The following PCNX2 variants were observed in gnomAD, a reference collection of about 807,000 sequenced individuals.
PCNX2 encodes pecanex 2.
Under a neutral mutation model 223.8 loss-of-function variants are expected in PCNX2, and 168 were observed. That is an observed-to-expected ratio of 0.75 (90% CI 0.66 to 0.85). The LOEUF is 0.85. Among genes scored for constraint, PCNX2 ranks in the 40% least tolerant of loss-of-function variants. PCNX2 has a pLI of 0.00. For synonymous variants in PCNX2, 1,006 were observed against 1,052.6 expected, an observed-to-expected ratio of 0.96 and a Z score of 0.86; for missense variants, 2,507 against 2,675.5, an observed-to-expected ratio of 0.94 and a Z score of 1.39.
intron 21 of PCNX2, among the ~76,000 whole-genome samples, chr1:233,109,533 T>A (rs1005441395): frequency 6.6e-6 from 1 of 152,166 alleles, no homozygotes; most frequent in Admixed American, 6.5e-5. Flanking sequence ...GTCACAGATA[T>A]AGAAGGCTTT....
chr1:233,151,762 C>T (rs543525887), intron 19 of PCNX2, among the ~76,000 whole-genome samples: 2 of 152,322 alleles, frequency 1.3e-5, no homozygotes, highest in African/African-American at 2.4e-5. Flanking sequence ...GCAACCTCCA[C>T]CTCCTGGGTT....
chr1:233,034,390 C>T (rs1210663323), intron 25 of PCNX2, among the ~76,000 whole-genome samples: 1 of 152,124 alleles, frequency 6.6e-6, no homozygotes, highest in African/African-American at 2.4e-5. Context: ...AGGAAATGGG[C>T]CCTCACCAGA....
chr1:233,283,265 TTCAA>T (rs1442644842), intron 1 of PCNX2, among the ~76,000 whole-genome samples: 2 of 152,208 alleles, frequency 1.3e-5, no homozygotes, highest in Non-Finnish European at 2.9e-5. Flanking sequence ...TAATTGATTA[TTCAA>T]TCATTCAATC....
chr1:233,114,945 C>T (rs991749408), intron 21 of PCNX2, among the ~76,000 whole-genome samples: 5 of 152,108 alleles, frequency 3.3e-5, no homozygotes, highest in African/African-American at 7.2e-5. Context: ...CATCCCCTCA[C>T]GGCTCTGGTA....
chr1:233,005,141 G>C (rs1030327060), intron 28 of PCNX2, among the ~76,000 whole-genome samples: 7 of 152,218 alleles, frequency 4.6e-5, no homozygotes, highest in Non-Finnish European at 1.0e-4. Context: ...TAAAATGAGA[G>C]AGCTAACTCC....
At chr1:233,165,062 G>A in intron 17 of PCNX2, among the ~76,000 whole-genome samples, 1 of 152,034 alleles carries the variant, frequency 6.6e-6, no homozygotes, top group Non-Finnish European at 1.5e-5. Flanking sequence ...AATAAGTGAG[G>A]TGATATTTTA....
At chr1:233,256,450 G>A (rs1558396812) in intron 5 of PCNX2, among the ~76,000 whole-genome samples, 1 of 152,156 alleles carries the variant, frequency 6.6e-6, no homozygotes, top group East Asian at 1.9e-4. Context: ...TGATTCCAAA[G>A]TCAGTGCTCT....
chr1:233,152,255 T>C (rs1677861940), intron 19 of PCNX2, among the ~76,000 whole-genome samples: 1 of 152,232 alleles, frequency 6.6e-6, no homozygotes, highest in South Asian at 2.1e-4. Context: ...TATTTGGCAT[T>C]TGAAATGCAC....
intron 15 of PCNX2, among the ~76,000 whole-genome samples, chr1:233,183,980 G>A (rs986561580): frequency 2.0e-5 from 3 of 152,296 alleles, no homozygotes; most frequent in South Asian, 2.1e-4. Flanking sequence ...TCCACCTAGG[G>A]CTTCTCTTAT....
rs113666807 is a variant in PCNX2, at chr1:233,192,031, T to G, written c.3066+6908A>C. Reference sequence around the variant, plus strand: ...CTGGGAAAAATCATCTCTGAACTAGTAGTGTATTACTGAAACATGTTTTGT... The same window carrying G: ...CTGGGAAAAATCATCTCTGAACTAGGAGTGTATTACTGAAACATGTTTTGT... On this transcript the variant is annotated intron_variant, in intron 15 of 33. Transcript: ENST00000258229. 2.2e-4 allele frequency among the ~76,000 whole-genome samples: 33 copies of G among 152,340 alleles called. 2 individuals carry two copies. Among genetic ancestry groups the G allele is most frequent in the African/African-American group, 7.7e-4 (32 of 41,580 alleles).
chr1:233,093,607 A>G (rs2102944960), intron 22 of PCNX2, among the ~76,000 whole-genome samples: 1 of 152,292 alleles, frequency 6.6e-6, no homozygotes, highest in East Asian at 1.9e-4. Context: ...TTGGACTCCA[A>G]GGAACAAATA....
At chr1:233,052,532 T>TG (rs1672044328) in intron 25 of PCNX2, among the ~76,000 whole-genome samples, 1 of 152,174 alleles carries the variant, frequency 6.6e-6, no homozygotes, top group South Asian at 2.1e-4. Flanking sequence ...TGACCCAGAC[T>TG]CCAACCTGAC....
At chr1:233,285,678 AAAACAAAC>A (rs145161894) in intron 1 of PCNX2, among the ~76,000 whole-genome samples, 14,774 of 152,218 alleles carry the variant, frequency 0.097, 833 homozygotes, top group South Asian at 0.17. Context: ...CCATCTCAAA[AAAACAAAC>A]AAACAAACAA....
chr1:233,258,323 G>C lies in PCNX2; in HGVS notation c.1539C>G (p.Asn513Lys). 6.2e-7 allele frequency: 1 copy of C among 1,614,002 alleles called. No homozygotes were observed. Among genetic ancestry groups the C allele is most frequent in the Non-Finnish European group, 8.5e-7 (1 of 1,179,892 alleles). The change falls in exon 5 of 34, where the codon AAC (asparagine) becomes AAG (lysine). Residue 513 changes from asparagine (N) to lysine (K), a missense_variant. This residue lies in a region of PCNX2 where 1,031 missense variants were observed against 1,021.7 expected (regional missense o/e 1.01). Coordinates refer to ENST00000258229, the MANE Select transcript of PCNX2 (RefSeq NM_014801.4). Reference sequence around the variant, plus strand: ...TGGACTTACAAGACGATGGGTCAAGGTTAGTCTGGCCTTCCTTCCCCACCT... The same window carrying C: ...TGGACTTACAAGACGATGGGTCAAGCTTAGTCTGGCCTTCCTTCCCCACCT... Reference protein sequence around the residue: ...ESKVGKEGQTNLDPSSCKSSH... With the variant: ...ESKVGKEGQTKLDPSSCKSSH...
chr1:233,218,209 CAA>C (rs34818026), intron 10 of PCNX2, 25 bp from the exon 11 acceptor site: 1,014 of 274,928 alleles, frequency 3.7e-3, no homozygotes, highest in African/African-American at 0.021. Context: ...TACATAAAAG[CAA>C]AAAAAAAAAA....
rs577079713 is a variant in PCNX2 at position 233,267,944 on chromosome 1, C to T, written c.154-4781G>A. On this transcript the variant is annotated intron_variant, in intron 1 of 33. Coordinates refer to ENST00000258229, the MANE Select transcript of PCNX2 (RefSeq NM_014801.4). ...TAGTTTTTTTTTTAAGACAGTCTTG[C>T]TCTGTTGTTCAGGCTGGAGTGCAGT... Among the ~76,000 whole-genome samples, 5 of 152,154 alleles carry T rather than the reference C, an allele frequency of 3.3e-5. No homozygotes were observed. The South Asian group carries it at 1.0e-3, about 32-fold the overall frequency.
At chr1:233,181,152 T>G (rs1159016533) in intron 15 of PCNX2, 1 of 151,838 alleles carries the variant, frequency 6.6e-6, no homozygotes, top group Non-Finnish European at 1.5e-5. Flanking sequence ...CTACTTTCTT[T>G]TCATTGGTCC....
intron 21 of PCNX2, among the ~76,000 whole-genome samples, chr1:233,103,715 G>C (rs561969430): frequency 1.5e-4 from 23 of 152,064 alleles, no homozygotes; most frequent in Non-Finnish European, 2.8e-4. Flanking sequence ...CCAAATCTTG[G>C]CTATTGTGAA....
rs533503473 is a variant in PCNX2, at chr1:233,123,088, C to T, written c.3837+11925G>A. On this transcript the variant is annotated intron_variant, in intron 21 of 33. Transcript: ENST00000258229. ...ATGGGATCCTCCATCAGAGAAAGGA[C>T]GTTAGACCAAACTCAGGATGTCTGA... Among the ~76,000 whole-genome samples the T allele has an allele frequency of 1.2e-4, 19 of 152,174 alleles. No homozygotes were observed. In the South Asian group the frequency reaches 3.3e-3, roughly 27 times the overall value.
Sources: gnomAD v4.1 joint callset for allele counts (sites outside exome capture counted in the v4.1 genomes callset) on GRCh38, gnomAD v4.1.1 for gene constraint, gnomAD v4.1.1 regional missense constraint, MANE v1.5 for transcripts, NCBI Gene and HGNC (gene_info 2026-07-23, HGNC 2026-07-21) for gene names.